Variants in PRRC2A observed in about 807,000 individuals in gnomAD.
The protein encoded by PRRC2A is proline rich coiled-coil 2A, also known as protein PRRC2A.
In PRRC2A, 59 loss-of-function variants were observed where a neutral mutation model predicts 224.6. The observed-to-expected ratio is 0.26, with a 90% CI of 0.21 to 0.33. The LOEUF (loss-of-function observed/expected upper bound fraction) is 0.33. Ranked by LOEUF, PRRC2A falls within the 10% of genes least tolerant of loss-of-function variation. PRRC2A has a pLI of 1.00. For missense variants in PRRC2A, 3,095 were observed against 2,880.7 expected, an observed-to-expected ratio of 1.07 and a Z score of -1.70; for synonymous variants, 1,194 against 1,109.5, an observed-to-expected ratio of 1.08 and a Z score of -1.51.
In PRRC2A at chr6:31,634,886, C is replaced by T; in HGVS notation, c.5069C>T (p.Ser1690Phe). Residue 1690 changes from serine (S) to phenylalanine (F), a missense_variant, in exon 21 of 31, where the codon TCC (serine) becomes TTC (phenylalanine). Ser to Phe is a radical substitution (Grantham distance 155). Coordinates refer to ENST00000376033, the MANE Select transcript of PRRC2A (RefSeq NM_004638.4). ...AEGPPKRPGG[S>F]SPLNAVPCEG... Reference sequence around the variant, plus strand: ...GGACCCCCCAAGAGGCCTGGAGGCTCCTCACCCCTGAATGCTGTTCCTTGT... The same window carrying T: ...GGACCCCCCAAGAGGCCTGGAGGCTTCTCACCCCTGAATGCTGTTCCTTGT... 1 of 1,612,970 alleles carries T rather than the reference C, an allele frequency of 6.2e-7. No homozygotes were observed. The highest frequency in any genetic ancestry group is 8.5e-7 in the Non-Finnish European group (1 of 1,180,012).
intron 2 of PRRC2A, chr6:31,623,309 C>T: frequency 2.3e-6 from 1 of 436,188 alleles, no homozygotes; most frequent in Non-Finnish European, 4.2e-6. Context: ...CTCCTGTTGC[C>T]CAGGCTGGAG....
intron 13 of PRRC2A, 85 bp downstream of exon 13, chr6:31,629,419 C>A (rs1776283111): frequency 6.7e-7 from 1 of 1,495,664 alleles, no homozygotes; most frequent in South Asian, 1.3e-5. Flanking sequence ...CCTTCTGGGT[C>A]CCTTTGCTTC....
In PRRC2A at chr6:31,631,763, G is replaced by T; in HGVS notation, c.3090G>T (p.Glu1030Asp). The T allele has an allele frequency of 6.5e-7, 1 of 1,545,304 alleles. No individual in the cohort carries two copies. Among genetic ancestry groups the T allele is most frequent in the Non-Finnish European group, 8.7e-7 (1 of 1,144,590 alleles). ...CTTGCCGGGGTCGGGGCCGAGGCGA[G>T]TATTTTGCCAGAGGGAGGGGTTTTC... is the stretch of plus-strand genomic sequence containing the variant. ...PTSCRGRGRG[E>D]YFARGRGFRG... is the part of the protein sequence containing the mutation. The change falls in exon 16 of 31, where the codon GAG becomes GAT. Residue 1030 changes from glutamate (E) to aspartate (D), a missense_variant. By Grantham distance (45) the Glu-to-Asp change is conservative. Transcript: ENST00000376033. This position sits in a 1 kb window ranked among gnomAD's most constrained non-coding sequence, Gnocchi z 4.5.
chr6:31,633,374 T>G lies in PRRC2A; in HGVS notation c.4320-5T>G, dbSNP rs1220793560. ...ATACTGGAGCTAATGCTCTGTTTTC[T>G]CCAGTCGTCCTCCAGAGGAGCGTCC... On this transcript the variant is annotated splice_polypyrimidine_tract_variant and splice_region_variant and intron_variant, in intron 16 of 30. Transcript: ENST00000376033. 1.2e-6 allele frequency: 2 copies of G among 1,611,150 alleles called. No individual in the cohort carries two copies. Among genetic ancestry groups the G allele is most frequent in the Non-Finnish European group, 1.7e-6 (2 of 1,178,750 alleles).
chr6:31,623,224 T>C (rs1211713478), intron 2 of PRRC2A: 1 of 638,498 alleles, frequency 1.6e-6, no homozygotes, highest in Non-Finnish European at 2.9e-6. Flanking sequence ...TATTGAATGT[T>C]ACATATCTCA....
chr6:31,621,080 T>G (rs1775220757), intron 1 of PRRC2A, among the ~76,000 whole-genome samples: 1 of 152,328 alleles, frequency 6.6e-6, no homozygotes, highest in East Asian at 1.9e-4. Flanking sequence ...ATCCGTAGTC[T>G]GCCCCTAACC....
Position 31,629,351 on chromosome 6 carries a change from T to C in PRRC2A, c.1956+17T>C. 2 of 1,549,232 alleles carry C rather than the reference T, an allele frequency of 1.3e-6. No homozygotes were observed. The highest frequency in any genetic ancestry group is 1.7e-6 in the Non-Finnish European group (2 of 1,148,880). On this transcript the variant is annotated intron_variant, in intron 13 of 30. Transcript: ENST00000376033. ...CAGCAGCAGGTGAAATCAAGTTGTT[T>C]ACCCTCTAAGGGCTGCTTTTCTTCC...
intron 1 of PRRC2A, among the ~76,000 whole-genome samples, chr6:31,621,668 G>A (rs1187255321): frequency 6.6e-6 from 1 of 152,128 alleles, no homozygotes; most frequent in African/African-American, 2.4e-5. Context: ...TCTCTAGCTT[G>A]TCATAAAGTT....
intron 1 of PRRC2A, among the ~76,000 whole-genome samples, chr6:31,621,829 T>C (rs1260082290): frequency 4.6e-5 from 7 of 152,202 alleles, no homozygotes; most frequent in Non-Finnish European, 8.8e-5. Context: ...CCGGCTTGCT[T>C]AGGGAGCTGG....
Position 31,636,336 on chromosome 6 carries a change from G to A in PRRC2A, c.5752G>A (p.Gly1918Arg), listed in dbSNP as rs1777342519. 1 of 1,612,992 alleles carries A rather than the reference G, an allele frequency of 6.2e-7. No homozygotes were observed. Among genetic ancestry groups the A allele is most frequent in the South Asian group, 1.1e-5 (1 of 91,074 alleles). Reference sequence around the variant, plus strand: ...TACAGAGCTGGGGAAGTTGCCGGCTGGAGGAGTTCTCTACCCTCCACCTTC... The same window carrying A: ...TACAGAGCTGGGGAAGTTGCCGGCTAGAGGAGTTCTCTACCCTCCACCTTC... Reference protein sequence around the residue: ...QATELGKLPAGGVLYPPPSFL... With the variant: ...QATELGKLPARGVLYPPPSFL... The change falls in exon 26 of 31, where the codon GGA (glycine) becomes AGA (arginine). Residue 1918 changes from glycine (G) to arginine (R), a missense_variant. By Grantham distance (125) the Gly-to-Arg change is moderately radical (BLOSUM62 -2). Around this residue, in one of 8 missense-constraint regions of PRRC2A, gnomAD observed 662 missense variants for 609.5 expected, o/e 1.09. Coordinates refer to ENST00000376033, the MANE Select transcript of PRRC2A (RefSeq NM_004638.4). This position sits in a 1 kb window ranked among gnomAD's most constrained non-coding sequence, Gnocchi z 4.3.
At position 31,635,397 on chromosome 6, in the gene PRRC2A, T is replaced by G; in HGVS notation, c.5305T>G (p.Ser1769Ala). Reference protein sequence around the residue: ...PVQFGTSDKDSDLRLVVGDSL... With the variant: ...PVQFGTSDKDADLRLVVGDSL... ...TCCTGCCTTCTTGTGATCACAGGAC[T>G]CAGACTTACGCCTAGTGGTAGGAGA... is the stretch of plus-strand genomic sequence containing the variant. Residue 1769 changes from serine (S) to alanine (A), a missense_variant, in exon 23 of 31, where the codon TCA (serine) becomes GCA (alanine). Transcript: ENST00000376033. The G allele has an allele frequency of 1.2e-6, 2 of 1,614,206 alleles. No individual in the cohort carries two copies. Among genetic ancestry groups the G allele is most frequent in the South Asian group, 1.1e-5 (1 of 91,088 alleles).
In PRRC2A at chr6:31,633,520, A is replaced by G. The variant is rs1203533105; in HGVS notation, c.4461A>G (p.Gln1487=). 24 of 1,612,982 alleles carry G rather than the reference A, an allele frequency of 1.5e-5. No individual in the cohort carries two copies. The highest frequency in any genetic ancestry group is 6.7e-5 in the East Asian group (3 of 44,898). ...QQALAQLSSR[Q]GSVTAPGGHP... ...CTCTGGCCCAGCTTAGTAGCCGTCA[A>G]GGGAGTGTAACTGCACCAGGGGGTC... Residue 1487 remains glutamine (Q), a synonymous_variant, in exon 17 of 31, where the codon CAA becomes CAG. Transcript: ENST00000376033.
rs1776556518 is a variant in PRRC2A, at chr6:31,631,422, C to G, written c.2749C>G (p.Arg917Gly). The G allele has an allele frequency of 1.2e-6, 2 of 1,610,328 alleles. No homozygotes were observed. Among genetic ancestry groups the G allele is most frequent in the Non-Finnish European group, 1.7e-6 (2 of 1,178,936 alleles). ...TGGAGGCCAGGGCCCCCCACCACCA[C>G]GCAGAGAGAGTCGCACAGAGACCCG... ...GSGGQGPPPP[R>G]RESRTETRWG... is the part of the protein sequence containing the mutation. Residue 917 changes from arginine (R) to glycine (G), a missense_variant, in exon 16 of 31, where the codon CGC (arginine) becomes GGC (glycine). Arg to Gly is a moderately radical substitution (Grantham distance 125, BLOSUM62 -2). Around this residue, in one of 8 missense-constraint regions of PRRC2A, gnomAD observed 2,001 missense variants for 1,764.9 expected, o/e 1.13. Transcript: ENST00000376033. The surrounding 1 kb of genome is among the most constrained non-coding windows in gnomAD (Gnocchi z 4.5).
At position 31,630,803 on chromosome 6, in the gene PRRC2A, T is replaced by G; in HGVS notation, c.2465+2T>G. On this transcript the variant is annotated splice_donor_variant, in intron 15 of 30. Coordinates refer to ENST00000376033, the MANE Select transcript of PRRC2A (RefSeq NM_004638.4). LOFTEE classifies it high-confidence loss of function. ...GGATGAGGATGACAAGGGGATGAGGTGAGTCTTGGTCATGAGAAATGGGTG... is the reference window on the plus strand; with the variant it reads ...GGATGAGGATGACAAGGGGATGAGGGGAGTCTTGGTCATGAGAAATGGGTG... 1 of 1,613,654 alleles carries G rather than the reference T, an allele frequency of 6.2e-7. No homozygotes were observed. Among genetic ancestry groups the G allele is most frequent in the Non-Finnish European group, 8.5e-7 (1 of 1,179,842 alleles).
rs781692173 is a variant in PRRC2A, at chr6:31,635,409, C to T, written c.5317C>T (p.Leu1773=). 1 of 1,614,088 alleles carries T rather than the reference C, an allele frequency of 6.2e-7. No individual in the cohort carries two copies. Among genetic ancestry groups the T allele is most frequent in the African/African-American group, 1.3e-5 (1 of 74,936 alleles). Residue 1773 remains leucine (L), a synonymous_variant, in exon 23 of 31, where the codon CTA becomes TTA. Transcript: ENST00000376033. ...GTGATCACAGGACTCAGACTTACGC[C>T]TAGTGGTAGGAGACAGCTTGAAAGC... The part of the protein sequence containing the change: ...GTSDKDSDLR[L]VVGDSLKAEK...
At chr6:31,637,396 T>G in intron 30 of PRRC2A, 50 bp from the exon 31 acceptor site, 1 of 1,603,276 alleles carries the variant, frequency 6.2e-7, no homozygotes, top group Non-Finnish European at 8.5e-7. Context: ...TTCCGTCTCA[T>G]CGCTGACCTC....
chr6:31,632,559 G>A lies in PRRC2A; in HGVS notation c.3886G>A (p.Ala1296Thr), dbSNP rs751636562. ...PEEALTTVTV[A>T]PAPRRAAAKS... ...GGAGGCCCTCACAACAGTCACAGTG[G>A]CCCCAGCACCTCGCCGGGCAGCTGC... Residue 1296 changes from alanine to threonine, a missense_variant, in exon 16 of 31, where the codon GCC becomes ACC. By Grantham distance (58) the Ala-to-Thr change is moderately conservative. This residue lies in a region of PRRC2A where 2,001 missense variants were observed against 1,764.9 expected (regional missense o/e 1.13). Coordinates refer to ENST00000376033, the MANE Select transcript of PRRC2A (RefSeq NM_004638.4). 2 of 1,611,934 alleles carry A rather than the reference G, an allele frequency of 1.2e-6. No individual in the cohort carries two copies. Among genetic ancestry groups the A allele is most frequent in the South Asian group, 1.1e-5 (1 of 90,996 alleles).
rs1220793560 is a variant in PRRC2A, at chr6:31,633,374, T to C, written c.4320-5T>C. 1 of 1,611,032 alleles carries C rather than the reference T, an allele frequency of 6.2e-7. No homozygotes were observed. The highest frequency in any genetic ancestry group is 2.2e-5 in the East Asian group (1 of 44,880). The stretch of plus-strand genomic sequence containing the variant: ...ATACTGGAGCTAATGCTCTGTTTTC[T>C]CCAGTCGTCCTCCAGAGGAGCGTCC... On this transcript the variant is annotated splice_polypyrimidine_tract_variant and splice_region_variant and intron_variant, in intron 16 of 30. Coordinates refer to ENST00000376033, the MANE Select transcript of PRRC2A (RefSeq NM_004638.4).
intron 23 of PRRC2A, 47 bp from the exon 24 acceptor site, chr6:31,635,535 C>T (rs756738267): frequency 1.2e-5 from 20 of 1,610,200 alleles, no homozygotes; most frequent in South Asian, 4.4e-5. Context: ...GTGACCAGGG[C>T]GTCCAGGATG....
Sources: gnomAD v4.1 joint callset for allele counts (sites outside exome capture counted in the v4.1 genomes callset) on GRCh38, gnomAD v4.1.1 for gene constraint, gnomAD v4.1.1 regional missense constraint, Gnocchi (gnomAD v3.1) non-coding constraint, MANE v1.5 for transcripts, NCBI Gene and HGNC (gene_info 2026-07-23, HGNC 2026-07-21) for gene names.